PDE1C: variants seen among roughly 807,000 people sequenced by gnomAD.
PDE1C encodes the protein dual specificity calcium/calmodulin-dependent 3',5'-cyclic nucleotide phosphodiesterase 1C.
Under a neutral mutation model 93.1 loss-of-function variants are expected in PDE1C, and 62 were observed. The ratio of observed to expected loss-of-function variants is 0.67; its 90% CI spans 0.54 to 0.82. PDE1C has a LOEUF of 0.82. Ranked by LOEUF, PDE1C falls within the 40% of genes least tolerant of loss-of-function variation. The pLI is 0.00. For missense variants in PDE1C, 742 were observed against 884.6 expected (o/e 0.84, Z 2.04); for synonymous variants, 325 against 310.1 (o/e 1.05, Z -0.50).
chr7:31,659,674 G>T, the PDE1C span, among the ~76,000 whole-genome samples: 1 of 152,250 alleles, frequency 6.6e-6, no homozygotes. Context: ...TAAAATAGGG[G>T]TGCTCCTTGA....
At chr7:31,827,180 T>C (rs1356376205) in intron 12 of PDE1C, among the ~76,000 whole-genome samples, 1 of 152,122 alleles carries the variant, frequency 6.6e-6, no homozygotes, top group Admixed American at 6.6e-5. Flanking sequence ...GTTCTTGCCA[T>C]ATGGAAATGT....
Position 31,823,257 on chromosome 7 carries a change from C to CA in PDE1C, c.1407-10dup, listed in dbSNP as rs771477048. On this transcript the variant is annotated splice_polypyrimidine_tract_variant and intron_variant, in intron 13 of 17. Coordinates refer to ENST00000396191, the MANE Select transcript of PDE1C (RefSeq NM_001191057.4). Reference sequence around the variant, plus strand: ...AGCTGATGCTATTCAAACTGGAAAACAAAAAAATCATACCAAAGAAGAGAG... The same window carrying CA: ...AGCTGATGCTATTCAAACTGGAAAACAAAAAAAATCATACCAAAGAAGAGAG... 1.9e-6 allele frequency: 3 copies of CA among 1,594,188 alleles called. No individual in the cohort carries two copies. Among genetic ancestry groups the CA allele is most frequent in the East Asian group, 2.3e-5 (1 of 44,442 alleles).
chr7:31,619,811 T>A, the PDE1C span, among the ~76,000 whole-genome samples: 2 of 152,136 alleles, frequency 1.3e-5, no homozygotes, highest in Non-Finnish European at 2.9e-5. Flanking sequence ...AGGCATTGCC[T>A]CCCTCGGGAA....
intron 3 of PDE1C, among the ~76,000 whole-genome samples, chr7:32,134,008 T>C (rs998636939): frequency 6.6e-6 from 1 of 151,866 alleles, no homozygotes; most frequent in African/African-American, 2.4e-5. Flanking sequence ...ATACCTGAAA[T>C]TTAAAATTTC....
chr7:32,327,508 T>C (rs1783425344), intron 1 of PDE1C, among the ~76,000 whole-genome samples: 1 of 152,128 alleles, frequency 6.6e-6, no homozygotes, highest in Non-Finnish European at 1.5e-5. Flanking sequence ...AAGAATCACA[T>C]ATGTAATCCC....
At chr7:31,866,693 A>G (rs1795339161) in intron 6 of PDE1C, among the ~76,000 whole-genome samples, 1 of 152,208 alleles carries the variant, frequency 6.6e-6, no homozygotes, top group African/African-American at 2.4e-5. Context: ...AGATTATCCA[A>G]CACTAGAATT....
chr7:32,132,823 G>C (rs1019869574), intron 3 of PDE1C, among the ~76,000 whole-genome samples: 1 of 152,156 alleles, frequency 6.6e-6, no homozygotes, highest in Non-Finnish European at 1.5e-5. Flanking sequence ...GTGGAGAAAA[G>C]AGCAAACTGA....
At chr7:31,995,194 TC>T (rs1784570987) in intron 2 of PDE1C, among the ~76,000 whole-genome samples, 1 of 152,166 alleles carries the variant, frequency 6.6e-6, no homozygotes, top group Admixed American at 6.6e-5. Flanking sequence ...CTTCCTGTAT[TC>T]CCTTTAACTA....
At chr7:32,414,987 C>CTTT (rs1189101171) in intron 1 of PDE1C, among the ~76,000 whole-genome samples, 1 of 152,002 alleles carries the variant, frequency 6.6e-6, no homozygotes, top group African/African-American at 2.4e-5. Flanking sequence ...CACATGGGAC[C>CTTT]TTTTTCTAGC....
At chr7:32,352,061 G>T (rs1783961453) in intron 1 of PDE1C, among the ~76,000 whole-genome samples, 1 of 9,846 alleles carries the variant, frequency 1.0e-4, no homozygotes, top group Non-Finnish European at 1.9e-4. Context: ...TTTGGCTTAG[G>T]ATTGACTTGG....
the PDE1C span, among the ~76,000 whole-genome samples, chr7:31,705,593 T>G: frequency 6.6e-6 from 1 of 152,210 alleles, no homozygotes; most frequent in Non-Finnish European, 1.5e-5. Flanking sequence ...AACTAGGAAC[T>G]GAAACAAATG....
At chr7:31,660,194 A>G in the PDE1C span, among the ~76,000 whole-genome samples, 5 of 152,148 alleles carry the variant, frequency 3.3e-5, no homozygotes, top group South Asian at 4.2e-4. Context: ...AAATTACCCA[A>G]TCTTGGCTAT....
intron 3 of PDE1C, among the ~76,000 whole-genome samples, chr7:32,083,646 A>G (rs1291028368): frequency 2.6e-5 from 4 of 152,358 alleles, no homozygotes; most frequent in African/African-American, 4.8e-5. Context: ...GACTAACAGC[A>G]GATCTCTCTG....
At chr7:32,050,744 T>C (rs1323625439) in intron 2 of PDE1C, among the ~76,000 whole-genome samples, 1 of 152,206 alleles carries the variant, frequency 6.6e-6, no homozygotes. Flanking sequence ...AGTCACAACC[T>C]GTATGCATGC....
At chr7:31,792,501 A>T (rs375351662) in intron 16 of PDE1C, among the ~76,000 whole-genome samples, 1 of 152,134 alleles carries the variant, frequency 6.6e-6, no homozygotes, top group Admixed American at 6.5e-5. Context: ...TAAACACACC[A>T]ATTATATATT....
intron 1 of PDE1C, among the ~76,000 whole-genome samples, chr7:32,218,530 C>A (rs576033540): frequency 6.6e-6 from 1 of 152,180 alleles, no homozygotes; most frequent in South Asian, 2.1e-4. Context: ...GAGGCCTTTA[C>A]CAAGCTGAGA....
the PDE1C span, among the ~76,000 whole-genome samples, chr7:31,742,032 C>T: frequency 6.6e-6 from 1 of 152,176 alleles, no homozygotes; most frequent in South Asian, 2.1e-4. Flanking sequence ...CTGCTGCATT[C>T]TTAGCACCTG....
chr7:31,985,060 C>T (rs1373810879), intron 2 of PDE1C, among the ~76,000 whole-genome samples: 1 of 152,066 alleles, frequency 6.6e-6, no homozygotes, highest in Non-Finnish European at 1.5e-5. Flanking sequence ...AAATTGACGC[C>T]TAAAGAACAA....
intron 16 of PDE1C, chr7:31,788,530 T>G (rs1246335187): frequency 6.6e-6 from 1 of 152,202 alleles, no homozygotes; most frequent in Non-Finnish European, 1.5e-5. Context: ...TACCCTGTTT[T>G]GACAGCACCC....
Sources: gnomAD v4.1 joint callset for allele counts (sites outside exome capture counted in the v4.1 genomes callset) on GRCh38, gnomAD v4.1.1 for gene constraint, MANE v1.5 for transcripts, NCBI Gene and HGNC (gene_info 2026-07-23, HGNC 2026-07-21) for gene names.